POGK: variants seen among roughly 807,000 people sequenced by gnomAD.
POGK encodes pogo transposable element derived with KRAB domain, also known as pogo transposable element with KRAB domain.
A neutral mutation model predicts 54.4 loss-of-function variants in POGK; 16 were observed. The ratio of observed to expected loss-of-function variants is 0.29; its 90% confidence interval spans 0.20 to 0.45. The LOEUF (loss-of-function observed/expected upper bound fraction) is 0.45. Ranked by LOEUF, POGK falls within the 20% of genes least tolerant of loss-of-function variation. POGK has a pLI of 1.00. For synonymous variants in POGK, 271 were observed against 302.2 expected (o/e 0.90, Z 1.07); for missense variants, 515 against 795.6 (o/e 0.65, Z 4.24).
At chr1:166,841,115 C>G in intron 2 of POGK, 27 bp downstream of exon 2, 2 of 1,610,750 alleles carry the variant, frequency 1.2e-6, no homozygotes, top group African/African-American at 1.3e-5. Context: ...GGAGTCCACA[C>G]AGCCAGCAGA....
chr1:166,841,190 G>C, intron 2 of POGK, 102 bp downstream of exon 2: 1 of 1,471,742 alleles, frequency 6.8e-7, no homozygotes, highest in Non-Finnish European at 9.1e-7. Flanking sequence ...AGTAAAAATA[G>C]CCCAGCCCGG....
rs1395149949 is a variant in POGK at position 166,846,638 on chromosome 1, C to T, written c.159C>T (p.Ala53=). Residue 53 remains alanine (A), a synonymous_variant, in exon 3 of 6, where the codon GCC becomes GCT. Transcript: ENST00000367876. Reference sequence around the variant, plus strand: ...TACCGGCCCTATTTGATGAGGTGGCCATATATTTTTCCGATGAGGAATGGG... The same window carrying T: ...TACCGGCCCTATTTGATGAGGTGGCTATATATTTTTCCGATGAGGAATGGG... The part of the protein sequence containing the change: ...GWVPALFDEV[A]IYFSDEEWEV... 3.1e-6 allele frequency: 5 copies of T among 1,613,972 alleles called. No individual in the cohort carries two copies. In the African/African-American group the frequency reaches 6.7e-5, roughly 22 times the overall value.
At chr1:166,841,522 C>T (rs1265552214) in intron 2 of POGK, among the ~76,000 whole-genome samples, 2 of 152,184 alleles carry the variant, frequency 1.3e-5, no homozygotes, top group Admixed American at 6.5e-5. Context: ...ACAGTTGACA[C>T]AGGAGAGCTG....
At chr1:166,844,979 A>T (rs1657779720) in intron 2 of POGK, among the ~76,000 whole-genome samples, 1 of 152,144 alleles carries the variant, frequency 6.6e-6, no homozygotes, top group Non-Finnish European at 1.5e-5. Context: ...ATATGGGCCA[A>T]GGTGTGGGGG....
rs1332088439 is a variant in POGK, at chr1:166,850,084, A to G, written c.1505A>G (p.Gln502Arg). Residue 502 changes from glutamine (Q) to arginine (R), a missense_variant, in exon 5 of 6, where the codon CAG becomes CGG. Transcript: ENST00000367876. ...ATCATCCCAGGGGGTCTGACCTCAC[A>G]GCTTCAGGTGCTGGATGTCGTGGTC... Reference protein sequence around the residue: ...MVIIPGGLTSQLQVLDVVVYK... With the variant: ...MVIIPGGLTSRLQVLDVVVYK... The G allele has an allele frequency of 6.2e-7, 1 of 1,613,296 alleles. No homozygotes were observed. Among genetic ancestry groups the G allele is most frequent in the Non-Finnish European group, 8.5e-7 (1 of 1,179,704 alleles).
In POGK at chr1:166,852,838, C is replaced by T. The variant is rs1658128050; in HGVS notation, c.*268C>T. ...TGATCAGAAAAGAAACTGCTTCTGCCCCATTTCTTGTTTTGGAGATTACTC... is the reference window on the plus strand; with the variant it reads ...TGATCAGAAAAGAAACTGCTTCTGCTCCATTTCTTGTTTTGGAGATTACTC... On this transcript the variant is annotated 3_prime_UTR_variant, in exon 6 of 6. Transcript: ENST00000367876. 6.6e-6 allele frequency: 1 copy of T among 152,190 alleles called. No homozygotes were observed. The highest frequency in any genetic ancestry group is 2.1e-4 in the South Asian group (1 of 4,832). 9.4% of individuals were successfully genotyped at this position (152,190 alleles called of 1,614,324 possible).
At chr1:166,850,841 T>G in intron 5 of POGK, 2 of 156,488 alleles carry the variant, frequency 1.3e-5, no homozygotes, top group Non-Finnish European at 2.8e-5. Context: ...AAAAATTGTC[T>G]TCCATGAAAC....
chr1:166,842,808 T>A (rs1657567141), intron 2 of POGK, among the ~76,000 whole-genome samples: 1 of 152,042 alleles, frequency 6.6e-6, no homozygotes, highest in Non-Finnish European at 1.5e-5. Context: ...GGGGAGCTGC[T>A]AGATATCTAC....
At position 166,847,604 on chromosome 1, in the gene POGK, A is replaced by G. The variant is rs375528793; in HGVS notation, c.358+12A>G. ...AGGCACCTCTGCAGGTACTACAAGT[A>G]AAGCAGTTCAGCGTCCATCCAGCTG... On this transcript the variant is annotated intron_variant, in intron 4 of 5. Transcript: ENST00000367876. 13 of 1,600,534 alleles carry G rather than the reference A, an allele frequency of 8.1e-6. No homozygotes were observed. The African/African-American group carries it at 1.7e-4, about 21-fold the overall frequency.
chr1:166,841,223 C>A, intron 2 of POGK, 135 bp downstream of exon 2: 1 of 1,225,092 alleles, frequency 8.2e-7, no homozygotes, highest in South Asian at 1.5e-5. Flanking sequence ...CCTGAGAAAA[C>A]AGCTCTGTGG....
chr1:166,847,681 G>C, intron 4 of POGK, 89 bp downstream of exon 4: 1 of 1,003,776 alleles, frequency 1.0e-6, no homozygotes. Context: ...GTATTTAAGA[G>C]GTAGAAGGAT....
intron 1 of POGK, 112 bp from the exon 2 acceptor site, chr1:166,840,843 G>A: frequency 7.4e-7 from 1 of 1,350,684 alleles, no homozygotes. Context: ...CCCTCCAGCG[G>A]GAACAGTGCT....
At chr1:166,846,949 C>T (rs550204892) in intron 3 of POGK, among the ~76,000 whole-genome samples, 1 of 152,152 alleles carries the variant, frequency 6.6e-6, no homozygotes, top group Non-Finnish European at 1.5e-5. Context: ...CAGAACTGCC[C>T]CCATTCAACC....
At chr1:166,844,661 A>G (rs1657761023) in intron 2 of POGK, among the ~76,000 whole-genome samples, 1 of 152,218 alleles carries the variant, frequency 6.6e-6, no homozygotes, top group African/African-American at 2.4e-5. Context: ...TCAAAAGCAC[A>G]TTTTTCAGTG....
rs750942218 is a variant in POGK at position 166,850,102 on chromosome 1, T to C, written c.1523T>C (p.Val508Ala). Residue 508 changes from valine to alanine, a missense_variant, in exon 5 of 6, where the codon GTC (valine) becomes GCC (alanine). Around this residue, in one of 2 missense-constraint regions of POGK, gnomAD observed 461 missense variants for 743.5 expected, o/e 0.62. Coordinates refer to ENST00000367876, the MANE Select transcript of POGK (RefSeq NM_017542.5). ...ACCTCACAGCTTCAGGTGCTGGATG[T>C]CGTGGTCTACAAGCCACTGAATGAC... The part of the protein sequence containing the change: ...GLTSQLQVLD[V>A]VVYKPLNDSV... 3 of 1,607,154 alleles carry C rather than the reference T, an allele frequency of 1.9e-6. No homozygotes were observed. The South Asian group carries it at 3.3e-5, about 18-fold the overall frequency.
At chr1:166,842,670 T>A (rs906514613) in intron 2 of POGK, among the ~76,000 whole-genome samples, 9 of 152,094 alleles carry the variant, frequency 5.9e-5, no homozygotes, top group Non-Finnish European at 1.3e-4. Flanking sequence ...TGGCAACATC[T>A]AGAAACACTA....
At chr1:166,845,312 C>A (rs1023949832) in intron 2 of POGK, among the ~76,000 whole-genome samples, 6 of 146,988 alleles carry the variant, frequency 4.1e-5, no homozygotes, top group Non-Finnish European at 7.4e-5. Flanking sequence ...GAGCCAAGAT[C>A]GTGCCACTGC....
chr1:166,839,889 C>T (rs1245579732), intron 1 of POGK: 1 of 151,844 alleles, frequency 6.6e-6, no homozygotes, highest in Admixed American at 6.6e-5. Context: ...TGGAGAAATC[C>T]GAACGCGCCC....
At chr1:166,840,002 C>T (rs1032006243) in intron 1 of POGK, 1 of 152,208 alleles carries the variant, frequency 6.6e-6, no homozygotes, top group Admixed American at 6.5e-5. Context: ...GCCCCGGAGC[C>T]GGCAGGGAGA....
Sources: allele counts gnomAD v4.1 joint callset (sites outside exome capture counted in the v4.1 genomes callset), GRCh38; gene constraint gnomAD v4.1.1; regional missense constraint gnomAD v4.1.1; transcripts MANE v1.5; gene names NCBI Gene and HGNC (gene_info 2026-07-23, HGNC 2026-07-21).